The following CACNA2D4 variants were observed in gnomAD, a reference collection of about 807,000 sequenced individuals.
CACNA2D4 encodes the protein calcium voltage-gated channel auxiliary subunit alpha2delta 4.
Under a neutral mutation model 163.8 loss-of-function variants are expected in CACNA2D4, and 157 were observed. The ratio of observed to expected loss-of-function variants is 0.96; its 90% CI spans 0.84 to 1.09. CACNA2D4 has a LOEUF of 1.09. Among genes scored for constraint, CACNA2D4 ranks in the 50% least tolerant of loss-of-function variants. The probability of loss-of-function intolerance (pLI) is 0.00; values close to 1 mark genes in which losing one functional copy is unlikely to be tolerated. For synonymous variants in CACNA2D4, 598 were observed against 586.9 expected (o/e 1.02, Z -0.27); for missense variants, 1,410 against 1,479.9 (o/e 0.95, Z 0.78).
chr12:1,918,241 G>T lies in CACNA2D4; in HGVS notation c.227+6C>A. The T allele has an allele frequency of 1.1e-5, 18 of 1,594,724 alleles. No homozygotes were observed. The highest frequency in any genetic ancestry group is 1.5e-5 in the Non-Finnish European group (17 of 1,169,032). On this transcript the variant is annotated splice_donor_region_variant and intron_variant, in intron 1 of 37. Transcript: ENST00000382722. ...TTTTTGGGGTGGGGTTGAACGTGATGCTTACGTTTCCAGAGGAATCTTGGC... is the reference window on the plus strand; with the variant it reads ...TTTTTGGGGTGGGGTTGAACGTGATTCTTACGTTTCCAGAGGAATCTTGGC...
Position 1,878,950 on chromosome 12 carries a change from G to A in CACNA2D4, c.1644+6C>T. ...TGATCCCCACAGGGAACAGACCCAG[G>A]CTCACCTTGTACCGGGGCGCCAGCT... is the stretch of plus-strand genomic sequence containing the variant. On this transcript the variant is annotated splice_donor_region_variant and intron_variant, in intron 15 of 37. Transcript: ENST00000382722. The surrounding 1 kb of genome is among the most constrained non-coding windows in gnomAD (Gnocchi z 4.6). 1 of 1,612,948 alleles carries A rather than the reference G, an allele frequency of 6.2e-7. No homozygotes were observed. The highest frequency in any genetic ancestry group is 1.7e-4 in the Middle Eastern group (1 of 6,060).
chr12:1,817,766 G>A (rs1313593857), intron 26 of CACNA2D4, among the ~76,000 whole-genome samples: 2 of 152,042 alleles, frequency 1.3e-5, no homozygotes, highest in African/African-American at 2.4e-5. Flanking sequence ...GATTGCAGAC[G>A]GAGTCTGGTT....
At chr12:1,910,275 C>T (rs908863771) in intron 3 of CACNA2D4, among the ~76,000 whole-genome samples, 10 of 152,210 alleles carry the variant, frequency 6.6e-5, no homozygotes, top group African/African-American at 2.4e-4. Flanking sequence ...AAGTGGTTGC[C>T]AGTGGTTGGG....
intron 34 of CACNA2D4, 200 bp from the exon 35 acceptor site, chr12:1,797,735 T>C: frequency 1.6e-6 from 1 of 610,848 alleles, no homozygotes. Context: ...AGAGGGTGGC[T>C]TGGCACGGGG....
In CACNA2D4 at chr12:1,871,073, G is replaced by A. The variant is rs182861905; in HGVS notation, c.1878+3531C>T. Among the ~76,000 whole-genome samples the A allele has an allele frequency of 4.0e-3, 599 of 151,398 alleles. 4 individuals carry two copies. Among genetic ancestry groups the A allele is most frequent in the Non-Finnish European group, 5.1e-3 (348 of 67,826 alleles). ...CGTGTGTGTTGCTGGTGGTGTGTAC[G>A]CACGTGTTGCTGGTGTGTGTGTACG... On this transcript the variant is annotated intron_variant, in intron 18 of 37. Transcript: ENST00000382722.
chr12:1,918,535 G>A lies in CACNA2D4; in HGVS notation c.-62C>T. ...CCCAGGCCTTTGTCTTCCGTGCCTT[G>A]GCGAGCCTGGGGTCTCCAGCCTCTC... On this transcript the variant is annotated 5_prime_UTR_variant, in exon 1 of 38. Coordinates refer to ENST00000382722, the MANE Select transcript of CACNA2D4 (RefSeq NM_172364.5). 1 of 1,345,762 alleles carries A rather than the reference G, an allele frequency of 7.4e-7. No individual in the cohort carries two copies. The highest frequency in any genetic ancestry group is 1.0e-6 in the Non-Finnish European group (1 of 973,512). 83.4% of individuals were successfully genotyped at this position (1,345,762 alleles called of 1,614,324 possible).
At position 1,802,027 on chromosome 12, in the gene CACNA2D4, G is replaced by A. The variant is rs971626183; in HGVS notation, c.2722-383C>T. On this transcript the variant is annotated intron_variant, in intron 29 of 37. Transcript: ENST00000382722. The surrounding 1 kb of genome is among the most constrained non-coding windows in gnomAD (Gnocchi z 4.7). ...TTTGTTTTATATGCTGTGTGTGTGT[G>A]TGTGTGTGTGTGTGTGTGTGTGTGT... is the stretch of plus-strand genomic sequence containing the variant. Among the ~76,000 whole-genome samples, 30 of 116,824 alleles carry A rather than the reference G, an allele frequency of 2.6e-4. No homozygotes were observed. Among genetic ancestry groups the A allele is most frequent in the Non-Finnish European group, 4.5e-4 (24 of 53,884 alleles). The allele number at this position is 116,824 out of a possible 152,430, so 76.6% of individuals were successfully genotyped here. A position where few individuals can be genotyped will look rare whatever the true frequency, so the allele number is the denominator to read the frequency against.
In CACNA2D4 at chr12:1,824,789, G is replaced by C. The variant is rs1311263132; in HGVS notation, c.2552-13066C>G. Among the ~76,000 whole-genome samples the C allele has an allele frequency of 2.0e-5, 3 of 152,198 alleles. 1 individual carries two copies. The highest frequency in any genetic ancestry group is 4.1e-4 in the South Asian group (2 of 4,832). ...GGAAGGGTCCTTTGGATGGAGGCGTGTTGGTAGGCAGAGGCTAAGGAACTA... is the reference window on the plus strand; with the variant it reads ...GGAAGGGTCCTTTGGATGGAGGCGTCTTGGTAGGCAGAGGCTAAGGAACTA... On this transcript the variant is annotated intron_variant, in intron 26 of 37. Coordinates refer to ENST00000382722, the MANE Select transcript of CACNA2D4 (RefSeq NM_172364.5).
chr12:1,912,982 G>A (rs117076618), intron 3 of CACNA2D4, 41 bp downstream of exon 3: 17,861 of 1,322,308 alleles, frequency 0.014, 180 homozygotes, highest in Non-Finnish European at 0.016. Flanking sequence ...TGCGTCATGG[G>A]GCTGGGGAGA....
chr12:1,862,825 G>T (rs1377846648), intron 18 of CACNA2D4, among the ~76,000 whole-genome samples: 4 of 152,236 alleles, frequency 2.6e-5, no homozygotes, highest in Non-Finnish European at 2.9e-5. Context: ...TTTGGCTTTA[G>T]TCTTTTTGTT....
rs1198823469 is a variant in CACNA2D4, at chr12:1,792,398, T to A, written c.*1257A>T. 6.6e-6 allele frequency: 1 copy of A among 152,268 alleles called. No homozygotes were observed. 9.4% of individuals were successfully genotyped at this position (152,268 alleles called of 1,614,324 possible). Reference sequence around the variant, plus strand: ...TAGGGCTATTTGCTGGTAGGAAACTTGAACAGCTTTGAACTTGAACTTTGA... The same window carrying A: ...TAGGGCTATTTGCTGGTAGGAAACTAGAACAGCTTTGAACTTGAACTTTGA... On this transcript the variant is annotated 3_prime_UTR_variant, in exon 38 of 38. Coordinates refer to ENST00000382722, the MANE Select transcript of CACNA2D4 (RefSeq NM_172364.5).
intron 18 of CACNA2D4, among the ~76,000 whole-genome samples, chr12:1,864,973 G>T (rs1033989416): frequency 6.6e-6 from 1 of 152,082 alleles, no homozygotes; most frequent in African/African-American, 2.4e-5. Flanking sequence ...CCCTCGCCGC[G>T]CCGCTCCCGG....
chr12:1,894,406 AT>A (rs1866354871), intron 6 of CACNA2D4, among the ~76,000 whole-genome samples: 1 of 152,218 alleles, frequency 6.6e-6, no homozygotes, highest in South Asian at 2.1e-4. Context: ...TTACTCTAAT[AT>A]CAAAACCAGA....
At chr12:1,894,362 G>A (rs1208527091) in intron 6 of CACNA2D4, among the ~76,000 whole-genome samples, 1 of 152,106 alleles carries the variant, frequency 6.6e-6, no homozygotes, top group Non-Finnish European at 1.5e-5. Context: ...TGGAGAGGAT[G>A]GAATTTTCCC....
rs1340551038 is a variant in CACNA2D4, at chr12:1,795,738, G to A, written c.3156C>T (p.Leu1052=). The change falls in exon 36 of 38, where the codon CTC becomes CTT. Residue 1052 remains leucine (L), a synonymous_variant. Coordinates refer to ENST00000382722, the MANE Select transcript of CACNA2D4 (RefSeq NM_172364.5). Reference sequence around the variant, plus strand: ...AGTCACAGGTGGGGTCTGTCACCAGGAGGAGGAGGTTACTGTTGGGAATCT... The same window carrying A: ...AGTCACAGGTGGGGTCTGTCACCAGAAGGAGGAGGTTACTGTTGGGAATCT... The part of the protein sequence containing the change: ...VQQIPNSNLL[L]LVTDPTCDCS... 6.2e-7 allele frequency: 1 copy of A among 1,612,808 alleles called. No homozygotes were observed. The highest frequency in any genetic ancestry group is 2.2e-5 in the East Asian group (1 of 44,868).
At chr12:1,797,668 A>C in intron 34 of CACNA2D4, 133 bp from the exon 35 acceptor site, 1 of 682,120 alleles carries the variant, frequency 1.5e-6, no homozygotes, top group Admixed American at 2.2e-5. Flanking sequence ...TTCTCAGGAC[A>C]CGCGTGGGAG....
chr12:1,897,286 G>A (rs940549898), intron 6 of CACNA2D4, among the ~76,000 whole-genome samples: 2 of 152,152 alleles, frequency 1.3e-5, no homozygotes, highest in African/African-American at 4.8e-5. Context: ...CATACAATTA[G>A]ATAGAAGGAA....
chr12:1,846,849 C>T (rs922682832), intron 23 of CACNA2D4, among the ~76,000 whole-genome samples, 160 bp from the exon 24 acceptor site: 1 of 152,240 alleles, frequency 6.6e-6, no homozygotes, highest in Non-Finnish European at 1.5e-5. Flanking sequence ...GGGACACGCA[C>T]CCTGCTGGCA....
At chr12:1,823,089 T>G (rs1198885770) in intron 26 of CACNA2D4, 1 of 152,360 alleles carries the variant, frequency 6.6e-6, no homozygotes, top group Non-Finnish European at 1.5e-5. Flanking sequence ...CTGAGGGGTA[T>G]GGACTCTTGA....
Sources: gnomAD v4.1 joint callset for allele counts (sites outside exome capture counted in the v4.1 genomes callset) on GRCh38, gnomAD v4.1.1 for gene constraint, Gnocchi (gnomAD v3.1) non-coding constraint, MANE v1.5 for transcripts, NCBI Gene and HGNC (gene_info 2026-07-23, HGNC 2026-07-21) for gene names.